The following RSRC1 variants were observed in gnomAD, a reference collection of about 807,000 sequenced individuals.
The protein encoded by RSRC1 is serine/Arginine-related protein 53.
Under a neutral mutation model 49.1 loss-of-function variants are expected in RSRC1, and 39 were observed. That is an observed-to-expected ratio of 0.79 (90% CI 0.61 to 1.04). The LOEUF (loss-of-function observed/expected upper bound fraction) is 1.04, where lower values mean the gene tolerates loss of function less well. Among genes scored for constraint, RSRC1 ranks in the 50% least tolerant of loss-of-function variants. RSRC1 has a pLI of 0.00. For synonymous variants in RSRC1, 143 were observed against 130.8 expected, an observed-to-expected ratio of 1.09 and a Z score of -0.63; for missense variants, 388 against 402.4, an observed-to-expected ratio of 0.96 and a Z score of 0.31.
chr3:158,492,916 A>T (rs976096063), intron 7 of RSRC1, among the ~76,000 whole-genome samples: 1 of 152,200 alleles, frequency 6.6e-6, no homozygotes, highest in African/African-American at 2.4e-5. Flanking sequence ...GAAAAAGCAA[A>T]ACCAGATTAA....
chr3:158,200,917 ATACT>A (rs1429415532), intron 3 of RSRC1, among the ~76,000 whole-genome samples: 4 of 152,204 alleles, frequency 2.6e-5, no homozygotes, highest in African/African-American at 9.6e-5. Context: ...GCAGTTTTTG[ATACT>A]TACCCATTTA....
chr3:158,154,236 G>A (rs1717722197), intron 3 of RSRC1, among the ~76,000 whole-genome samples: 1 of 152,078 alleles, frequency 6.6e-6, no homozygotes, highest in Admixed American at 6.6e-5. Context: ...GCTTAAAAAT[G>A]CTAATGATCA....
chr3:158,229,126 GTA>G (rs754862997), intron 4 of RSRC1, among the ~76,000 whole-genome samples: 1 of 150,838 alleles, frequency 6.6e-6, no homozygotes, highest in Admixed American at 6.6e-5. Flanking sequence ...AAACATACGT[GTA>G]TATGTGTATA....
chr3:158,508,665 TC>T (rs1198918332), intron 7 of RSRC1, among the ~76,000 whole-genome samples: 1 of 152,172 alleles, frequency 6.6e-6, no homozygotes, highest in African/African-American at 2.4e-5. Context: ...CGTGATGAAA[TC>T]TCACACCATC....
intron 8 of RSRC1, among the ~76,000 whole-genome samples, chr3:158,538,269 A>C (rs1383548103): frequency 6.6e-6 from 1 of 151,822 alleles, no homozygotes; most frequent in East Asian, 1.9e-4. Context: ...CATATACTAC[A>C]TGTTAGGCAT....
intron 8 of RSRC1, 142 bp downstream of exon 8, chr3:158,537,340 A>C (rs1351375819): frequency 1.9e-6 from 1 of 524,582 alleles, no homozygotes; most frequent in Non-Finnish European, 3.4e-6. Flanking sequence ...GAGAGAGAGA[A>C]AACAAATCAG....
At chr3:158,492,097 A>G (rs748311675) in intron 7 of RSRC1, among the ~76,000 whole-genome samples, 13 of 152,230 alleles carry the variant, frequency 8.5e-5, no homozygotes, top group Non-Finnish European at 5.9e-5. Flanking sequence ...CATGTTTTAC[A>G]TGGCAGCAAG....
At chr3:158,206,026 C>T (rs569097226) in intron 4 of RSRC1, among the ~76,000 whole-genome samples, 1 of 152,260 alleles carries the variant, frequency 6.6e-6, no homozygotes, top group South Asian at 2.1e-4. Context: ...TAATAGTAAA[C>T]TAACAGGAAG....
At chr3:158,176,357 A>C (rs912563437) in intron 3 of RSRC1, among the ~76,000 whole-genome samples, 5 of 152,166 alleles carry the variant, frequency 3.3e-5, no homozygotes, top group African/African-American at 1.2e-4. Flanking sequence ...TATCATAAGC[A>C]AAAAGAATAA....
intron 3 of RSRC1, among the ~76,000 whole-genome samples, chr3:158,184,983 CAT>C (rs1319988209): frequency 1.3e-5 from 2 of 151,116 alleles, no homozygotes; most frequent in African/African-American, 4.9e-5. Context: ...TTACAAAGCA[CAT>C]AGTTTTCGGA....
At position 158,214,109 on chromosome 3, in the gene RSRC1, A is replaced by T. The variant is rs950221376; in HGVS notation, c.494+10864A>T. 7.2e-5 allele frequency among the ~76,000 whole-genome samples: 11 copies of T among 152,060 alleles called. 1 individual carries two copies. In the East Asian group the frequency reaches 2.1e-3, roughly 29 times the overall value. ...CATTTACATTATATTAGGTATAATT[A>T]ATCTAGAGATGATCTAAAGTATACA... On this transcript the variant is annotated intron_variant, in intron 4 of 9. Coordinates refer to ENST00000611884, the MANE Select transcript of RSRC1 (RefSeq NM_001271838.2).
intron 3 of RSRC1, among the ~76,000 whole-genome samples, chr3:158,198,929 G>T (rs1382472947): frequency 6.6e-6 from 1 of 152,168 alleles, no homozygotes; most frequent in Non-Finnish European, 1.5e-5. Flanking sequence ...GCTGCTGAAA[G>T]CCATGTAATT....
At chr3:158,424,150 T>C (rs558782889) in intron 6 of RSRC1, among the ~76,000 whole-genome samples, 3 of 152,294 alleles carry the variant, frequency 2.0e-5, no homozygotes, top group Admixed American at 6.5e-5. Context: ...CATCCCTGTC[T>C]TGTGCCAGTT....
At chr3:158,309,804 G>A (rs1288974722) in intron 5 of RSRC1, among the ~76,000 whole-genome samples, 1 of 151,570 alleles carries the variant, frequency 6.6e-6, no homozygotes, top group Non-Finnish European at 1.5e-5. Context: ...TTCTGGAAAT[G>A]ACCTCCTAGG....
intron 1 of RSRC1, among the ~76,000 whole-genome samples, chr3:158,120,135 A>G (rs1715149231): frequency 6.6e-6 from 1 of 152,134 alleles, no homozygotes; most frequent in African/African-American, 2.4e-5. Context: ...GGCCACTTTC[A>G]TAGTCATTTT....
intron 6 of RSRC1, among the ~76,000 whole-genome samples, chr3:158,408,152 T>A (rs1033252244): frequency 6.6e-6 from 1 of 152,212 alleles, no homozygotes; most frequent in Non-Finnish European, 1.5e-5. Flanking sequence ...CTTTTCCCCA[T>A]ACTGAGATTG....
intron 6 of RSRC1, among the ~76,000 whole-genome samples, chr3:158,421,641 A>G (rs1036094628): frequency 3.9e-5 from 6 of 151,914 alleles, no homozygotes; most frequent in Non-Finnish European, 8.8e-5. Flanking sequence ...GGGCACCCAG[A>G]GAATTTGAGA....
At chr3:158,372,680 A>T (rs777315121) in intron 6 of RSRC1, among the ~76,000 whole-genome samples, 89 of 151,974 alleles carry the variant, frequency 5.9e-4, no homozygotes, top group Non-Finnish European at 1.0e-3. Flanking sequence ...TACTATTTTT[A>T]AAAATCCAGC....
At chr3:158,288,994 A>G (rs1239216282) in intron 4 of RSRC1, among the ~76,000 whole-genome samples, 2 of 151,764 alleles carry the variant, frequency 1.3e-5, no homozygotes, top group Non-Finnish European at 2.9e-5. Context: ...TTTTCTGTTG[A>G]TGATGTTTAT....
Sources: gnomAD v4.1 joint callset for allele counts (sites outside exome capture counted in the v4.1 genomes callset) on GRCh38, gnomAD v4.1.1 for gene constraint, MANE v1.5 for transcripts, NCBI Gene and HGNC (gene_info 2026-07-23, HGNC 2026-07-21) for gene names.